Variants in RUNX1 observed in about 807,000 individuals in gnomAD.
The protein encoded by RUNX1 is RUNX family transcription factor 1.
Under a neutral mutation model 42.8 loss-of-function variants are expected in RUNX1, and 19 were observed. The ratio of observed to expected loss-of-function variants is 0.44; its 90% CI spans 0.31 to 0.65. The LOEUF (loss-of-function observed/expected upper bound fraction) is 0.65. RUNX1 is among the 30% of genes least tolerant of loss of function. The pLI is 0.07. For missense variants in RUNX1, 528 were observed against 672.0 expected (o/e 0.79, Z 2.37); for synonymous variants, 271 against 289.4 (o/e 0.94, Z 0.64).
chr21:34,860,530 C>CGTGTGT (rs34768937), intron 5 of RUNX1, among the ~76,000 whole-genome samples: 1,657 of 149,520 alleles, frequency 0.011, 24 homozygotes, highest in African/African-American at 0.039. Context: ...TGTGTCTGTG[C>CGTGTGT]GTGTGTGTGT....
intron 6 of RUNX1, among the ~76,000 whole-genome samples, chr21:34,853,635 C>G (rs1417977368): frequency 6.6e-6 from 1 of 152,134 alleles, no homozygotes; most frequent in African/African-American, 2.4e-5. Context: ...GCACTGTGAA[C>G]AGTGTTGGGC....
intron 2 of RUNX1, among the ~76,000 whole-genome samples, chr21:35,047,543 ACACACACACACACACACACTCTCTCTCT>A (rs1312906632): frequency 9.1e-5 from 12 of 131,320 alleles, no homozygotes; most frequent in African/African-American, 3.2e-4. Context: ...ACACACACAC[ACACACACACACACACACACTCTCTCTCT>A]CTCTCTCTCT....
chr21:34,873,926 T>C (rs989033803), intron 5 of RUNX1, among the ~76,000 whole-genome samples: 60 of 152,366 alleles, frequency 3.9e-4, no homozygotes, highest in African/African-American at 1.4e-3. Context: ...TCTGTCCCCA[T>C]GCCCCGCCAG....
At chr21:34,889,881 G>A in intron 3 of RUNX1, 3 of 1,068,340 alleles carry the variant, frequency 2.8e-6, no homozygotes, top group African/African-American at 3.3e-5. Flanking sequence ...TGCACCTCCC[G>A]GGGCCTCTCA....
intron 5 of RUNX1, among the ~76,000 whole-genome samples, chr21:34,866,845 G>A (rs1227990439): frequency 2.6e-5 from 4 of 152,190 alleles, no homozygotes; most frequent in African/African-American, 9.7e-5. Context: ...CAGACTTGAG[G>A]CCTAAGCTAC....
chr21:35,032,371 C>CT, intron 2 of RUNX1, among the ~76,000 whole-genome samples: 1 of 152,224 alleles, frequency 6.6e-6, no homozygotes, highest in South Asian at 2.1e-4. Flanking sequence ...CACTAGTTAC[C>CT]TTTTTTGAAG....
intron 2 of RUNX1, among the ~76,000 whole-genome samples, chr21:34,941,159 G>A (rs571675435): frequency 6.6e-5 from 10 of 152,326 alleles, no homozygotes; most frequent in African/African-American, 2.2e-4. Flanking sequence ...CTTCGTCCAC[G>A]ATTGTGACAA....
chr21:34,991,744 T>C (rs138443640), intron 2 of RUNX1, among the ~76,000 whole-genome samples: 1 of 152,166 alleles, frequency 6.6e-6, no homozygotes, highest in Non-Finnish European at 1.5e-5. Context: ...CATGTCCACA[T>C]AGAACCTCAG....
intron 2 of RUNX1, among the ~76,000 whole-genome samples, chr21:35,034,295 C>T (rs1455875195): frequency 6.6e-6 from 1 of 152,256 alleles, no homozygotes; most frequent in Non-Finnish European, 1.5e-5. Context: ...CTTTTCTTCT[C>T]TGCTCTTCAC....
chr21:34,802,033 A>C (rs1210953757), intron 7 of RUNX1, among the ~76,000 whole-genome samples: 1 of 152,220 alleles, frequency 6.6e-6, no homozygotes, highest in East Asian at 1.9e-4. Context: ...TTCTAATTCC[A>C]ATAGGTCCTA....
chr21:34,863,340 G>A lies in RUNX1; in HGVS notation c.509-3762C>T, dbSNP rs371951616. Reference sequence around the variant, plus strand: ...CCCAAAAAGTAAAATCTGACTCTGTGATTCTAATGTACCAATGGTACTCAA... The same window carrying A: ...CCCAAAAAGTAAAATCTGACTCTGTAATTCTAATGTACCAATGGTACTCAA... On this transcript the variant is annotated intron_variant, in intron 5 of 8. Transcript: ENST00000675419. 1.0e-3 allele frequency among the ~76,000 whole-genome samples: 157 copies of A among 152,302 alleles called. 1 individual carries two copies. Among genetic ancestry groups the A allele is most frequent in the Admixed American group, 1.6e-3 (25 of 15,298 alleles).
At chr21:34,887,240 G>A in intron 3 of RUNX1, 144 bp from the exon 4 acceptor site, 2 of 1,042,156 alleles carry the variant, frequency 1.9e-6, no homozygotes, top group Non-Finnish European at 2.6e-6. Context: ...TACTGCGGGG[G>A]GTGGGGGGGG....
intron 2 of RUNX1, among the ~76,000 whole-genome samples, chr21:34,952,815 T>C (rs1461148949): frequency 2.0e-5 from 3 of 152,278 alleles, no homozygotes; most frequent in South Asian, 2.1e-4. Context: ...AGGTCTTTTG[T>C]TTCTCATTAA....
At chr21:34,996,633 ACT>A (rs148399889) in intron 2 of RUNX1, among the ~76,000 whole-genome samples, 1 of 151,010 alleles carries the variant, frequency 6.6e-6, no homozygotes, top group African/African-American at 2.4e-5. Context: ...GGAATGCTGA[ACT>A]CTCTCTCTCT....
intron 5 of RUNX1, among the ~76,000 whole-genome samples, chr21:34,864,861 A>G (rs779643956): frequency 1.3e-5 from 2 of 152,186 alleles, no homozygotes; most frequent in Non-Finnish European, 2.9e-5. Context: ...GTCTTGATGT[A>G]GGCTTGGAAG....
chr21:34,818,467 A>G (rs112657646), intron 7 of RUNX1, among the ~76,000 whole-genome samples: 2,573 of 150,368 alleles, frequency 0.017, 36 homozygotes, highest in African/African-American at 0.039. Context: ...CTTGTCCCAG[A>G]CCCCCCTCCT....
At chr21:34,815,134 G>T (rs2056808184) in intron 7 of RUNX1, among the ~76,000 whole-genome samples, 1 of 152,056 alleles carries the variant, frequency 6.6e-6, no homozygotes, top group Non-Finnish European at 1.5e-5. Context: ...CCCTTGATTT[G>T]AACAAAAGAG....
intron 6 of RUNX1, among the ~76,000 whole-genome samples, chr21:34,849,280 A>C (rs1340916155): frequency 4.7e-5 from 3 of 63,880 alleles, no homozygotes; most frequent in Admixed American, 3.2e-4. Context: ...TATATATATA[A>C]TATATATTAT....
intron 5 of RUNX1, among the ~76,000 whole-genome samples, chr21:34,870,060 A>C (rs1224671897): frequency 6.6e-6 from 1 of 152,194 alleles, no homozygotes; most frequent in Non-Finnish European, 1.5e-5. Flanking sequence ...GCTAACAGGA[A>C]TCTCAGGGCC....
Sources: gnomAD v4.1 joint callset for allele counts (sites outside exome capture counted in the v4.1 genomes callset) on GRCh38, gnomAD v4.1.1 for gene constraint, MANE v1.5 for transcripts, NCBI Gene and HGNC (gene_info 2026-07-23, HGNC 2026-07-21) for gene names.